The following VOPP1 variants were observed in gnomAD, a reference collection of about 807,000 sequenced individuals.
VOPP1 encodes the protein WW domain binding protein VOPP1.
A neutral mutation model predicts 23.5 loss-of-function variants in VOPP1; 8 were observed. The ratio of observed to expected loss-of-function variants is 0.34; its 90% confidence interval spans 0.20 to 0.61. VOPP1 has a LOEUF of 0.61. Among genes scored for constraint, VOPP1 ranks in the 20% least tolerant of loss-of-function variants. The pLI is 0.78. For missense variants in VOPP1, 174 were observed against 238.1 expected (o/e 0.73, Z 1.77); for synonymous variants, 83 against 97.3 (o/e 0.85, Z 0.86).
chr7:55,564,243 GTCTC>G (rs71561947), intron 1 of VOPP1, among the ~76,000 whole-genome samples: 6 of 125,892 alleles, frequency 4.8e-5, no homozygotes, highest in African/African-American at 1.6e-4. Flanking sequence ...CTCTGTCTCT[GTCTC>G]TCTCTCTCTC....
intron 4 of VOPP1, among the ~76,000 whole-genome samples, chr7:55,489,961 G>A (rs112375418): frequency 9.9e-5 from 15 of 152,104 alleles, no homozygotes; most frequent in Non-Finnish European, 1.9e-4. Flanking sequence ...GCACCTTGGA[G>A]GAAGGCATTT....
At chr7:55,450,794 G>A (rs112866572) in intron 4 of VOPP1, among the ~76,000 whole-genome samples, 1,795 of 152,344 alleles carry the variant, frequency 0.012, 13 homozygotes, top group Admixed American at 0.021. Flanking sequence ...CGCCCAGGCA[G>A]TTTTCACAGG....
chr7:55,549,999 C>G (rs564181757), intron 1 of VOPP1, among the ~76,000 whole-genome samples: 1 of 152,200 alleles, frequency 6.6e-6, no homozygotes, highest in Non-Finnish European at 1.5e-5. Flanking sequence ...CTTCATGAGC[C>G]AGGCCTCTCC....
At chr7:55,508,957 C>T (rs550694747) in intron 2 of VOPP1, among the ~76,000 whole-genome samples, 15 of 152,280 alleles carry the variant, frequency 9.9e-5, no homozygotes, top group African/African-American at 3.6e-4. Context: ...GTGAGAGGAT[C>T]GCTTGAGTCA....
intron 1 of VOPP1, among the ~76,000 whole-genome samples, chr7:55,558,327 T>C (rs946658333): frequency 6.6e-6 from 1 of 152,188 alleles, no homozygotes; most frequent in Non-Finnish European, 1.5e-5. Context: ...TCAAGCTGTA[T>C]ACATTAATTA....
chr7:55,496,253 G>A (rs999611480), intron 3 of VOPP1, among the ~76,000 whole-genome samples: 4 of 152,192 alleles, frequency 2.6e-5, no homozygotes, highest in Non-Finnish European at 4.4e-5. Context: ...ACAGTTCAGG[G>A]TTTCACACTC....
At chr7:55,436,423 G>A (rs942751538) in intron 4 of VOPP1, among the ~76,000 whole-genome samples, 1 of 152,186 alleles carries the variant, frequency 6.6e-6, no homozygotes, top group African/African-American at 2.4e-5. Flanking sequence ...TCTAGTCCGT[G>A]TAAGTGCTCT....
At chr7:55,462,296 G>A (rs1184105125) in intron 4 of VOPP1, among the ~76,000 whole-genome samples, 1 of 152,132 alleles carries the variant, frequency 6.6e-6, no homozygotes, top group East Asian at 1.9e-4. Flanking sequence ...ACAGTTATAA[G>A]CTGAAATGTT....
chr7:55,563,812 G>T (rs115925527), intron 1 of VOPP1, among the ~76,000 whole-genome samples: 1 of 152,178 alleles, frequency 6.6e-6, no homozygotes, highest in Non-Finnish European at 1.5e-5. Flanking sequence ...TTGATTTTCA[G>T]ATTAGGGTTG....
intron 1 of VOPP1, among the ~76,000 whole-genome samples, chr7:55,547,876 G>C (rs1339259077): frequency 6.6e-6 from 1 of 152,140 alleles, no homozygotes; most frequent in Admixed American, 6.5e-5. Flanking sequence ...GCTGTGCCCT[G>C]AGCCTGCAGG....
intron 2 of VOPP1, among the ~76,000 whole-genome samples, chr7:55,501,438 C>A (rs1169023342): frequency 2.0e-5 from 3 of 152,190 alleles, no homozygotes; most frequent in Admixed American, 2.0e-4. Flanking sequence ...TCTGGTGTGT[C>A]CAGGACTGGC....
At chr7:55,478,116 A>C (rs1792410866) in intron 4 of VOPP1, among the ~76,000 whole-genome samples, 1 of 152,226 alleles carries the variant, frequency 6.6e-6, no homozygotes, top group Non-Finnish European at 1.5e-5. Context: ...GAAAGCAAGG[A>C]CACTTCATTC....
chr7:55,475,092 C>T (rs1554396816), intron 4 of VOPP1, among the ~76,000 whole-genome samples: 3 of 152,052 alleles, frequency 2.0e-5, no homozygotes, highest in Non-Finnish European at 2.9e-5. Flanking sequence ...TAGGAGGGGA[C>T]GGGTGGCAGC....
downstream of VOPP1, among the ~76,000 whole-genome samples, chr7:55,465,633 T>C (rs924875758): frequency 1.3e-5 from 2 of 152,252 alleles, no homozygotes; most frequent in African/African-American, 4.8e-5. Context: ...GGATTTTTAA[T>C]ATTTGCTGAT....
At chr7:55,561,985 T>G in intron 1 of VOPP1, 1 of 703,532 alleles carries the variant, frequency 1.4e-6, no homozygotes, top group African/African-American at 1.7e-5. Flanking sequence ...CCCACAGTAG[T>G]CGGTTCAGTC....
In VOPP1 at chr7:55,521,050, ACAG is replaced by A; in HGVS notation, c.113+19_113+21del. 3 of 1,561,394 alleles carry A rather than the reference ACAG, an allele frequency of 1.9e-6. No individual in the cohort carries two copies. Among genetic ancestry groups the A allele is most frequent in the Non-Finnish European group, 2.6e-6 (3 of 1,151,774 alleles). On this transcript the variant is annotated intron_variant, in intron 2 of 4. Coordinates refer to ENST00000285279, the MANE Select transcript of VOPP1 (RefSeq NM_030796.5). ...AAAGGTATGGCCACAGAATGAAACC[ACAG>A]AAAGGTGCAAATACTTACATATAAT...
At chr7:55,514,075 C>A (rs1035264889) in intron 2 of VOPP1, among the ~76,000 whole-genome samples, 1 of 152,090 alleles carries the variant, frequency 6.6e-6, no homozygotes, top group Non-Finnish European at 1.5e-5. Context: ...CTGGGAGCGG[C>A]GCCCTTTCTC....
intron 1 of VOPP1, among the ~76,000 whole-genome samples, chr7:55,556,008 G>T (rs550377145): frequency 6.6e-6 from 1 of 152,298 alleles, no homozygotes; most frequent in African/African-American, 2.4e-5. Context: ...CTAATAACCT[G>T]TATATGATAA....
At chr7:55,481,290 G>A (rs1345290798) in intron 4 of VOPP1, among the ~76,000 whole-genome samples, 1 of 152,230 alleles carries the variant, frequency 6.6e-6, no homozygotes, top group East Asian at 1.9e-4. Flanking sequence ...GGTGCTGAGA[G>A]AAGAGAGGGC....
Sources: allele counts gnomAD v4.1 joint callset (sites outside exome capture counted in the v4.1 genomes callset), GRCh38; gene constraint gnomAD v4.1.1; transcripts MANE v1.5; gene names NCBI Gene and HGNC (gene_info 2026-07-23, HGNC 2026-07-21).